Variants in SLC26A7 observed in about 807,000 individuals in gnomAD.
SLC26A7 encodes anion exchange transporter.
In SLC26A7, 59 loss-of-function variants were observed where a neutral mutation model predicts 82.5. The observed-to-expected ratio is 0.72, with a 90% confidence interval of 0.58 to 0.89. The LOEUF is 0.89. SLC26A7 is among the 40% of genes least tolerant of loss of function. The pLI, the probability that SLC26A7 is intolerant of heterozygous loss-of-function variation, is 0.00. For synonymous variants in SLC26A7, 271 were observed against 274.3 expected, an observed-to-expected ratio of 0.99 and a Z score of 0.12; for missense variants, 820 against 793.0, an observed-to-expected ratio of 1.03 and a Z score of -0.41.
chr8:91,389,358 C>A lies in SLC26A7; in HGVS notation c.1696C>A (p.Pro566Thr), dbSNP rs766666162. The A allele has an allele frequency of 1.9e-6, 3 of 1,613,886 alleles. No individual in the cohort carries two copies. The highest frequency in any genetic ancestry group is 3.3e-5 in the Admixed American group (2 of 60,016). The change falls in exon 16 of 19, where the codon CCT (proline) becomes ACT (threonine). Residue 566 changes from proline to threonine, a missense_variant. Physicochemically the swap from Pro to Thr is conservative, Grantham distance 38. Coordinates refer to ENST00000276609, the MANE Select transcript of SLC26A7 (RefSeq NM_052832.4). Reference protein sequence around the residue: ...NCNEEASQSCPNEKCYLILDC... With the variant: ...NCNEEASQSCTNEKCYLILDC... ...TACAGAAGAAGCTTCACAGTCCTGC[C>A]CTAATGAGAAGTGTTATTTAATCCT...
intron 9 of SLC26A7, among the ~76,000 whole-genome samples, chr8:91,349,884 TCTGA>T (rs1331751909): frequency 6.6e-6 from 1 of 152,216 alleles, no homozygotes; most frequent in African/African-American, 2.4e-5. Flanking sequence ...GACTGAGCTC[TCTGA>T]CTGGATCCTG....
intron 14 of SLC26A7, among the ~76,000 whole-genome samples, chr8:91,368,349 C>G (rs1814251977): frequency 6.6e-6 from 1 of 152,016 alleles, no homozygotes; most frequent in African/African-American, 2.4e-5. Flanking sequence ...GATCCACCAC[C>G]TTAAGGGTCG....
intron 15 of SLC26A7, among the ~76,000 whole-genome samples, chr8:91,372,251 G>T (rs1269478569): frequency 6.6e-6 from 1 of 151,792 alleles, no homozygotes; most frequent in African/African-American, 2.4e-5. Flanking sequence ...AGCCCCATTT[G>T]TCTACTTTTG....
intron 2 of SLC26A7, among the ~76,000 whole-genome samples, chr8:91,222,395 C>T (rs1444866593): frequency 6.6e-6 from 1 of 152,082 alleles, no homozygotes; most frequent in Non-Finnish European, 1.5e-5. Flanking sequence ...CCAGAACTTC[C>T]AATACTATGT....
intron 2 of SLC26A7, among the ~76,000 whole-genome samples, chr8:91,236,607 T>C (rs1810396572): frequency 1.3e-5 from 2 of 152,136 alleles, no homozygotes; most frequent in South Asian, 4.2e-4. Flanking sequence ...TGTTCTTAAT[T>C]GTTCATTATT....
chr8:91,341,221 A>G (rs367579457), intron 8 of SLC26A7, among the ~76,000 whole-genome samples: 28 of 151,448 alleles, frequency 1.8e-4, no homozygotes, highest in African/African-American at 6.3e-4. Flanking sequence ...CCCACCTATG[A>G]GTGAGAATAT....
intron 2 of SLC26A7, among the ~76,000 whole-genome samples, chr8:91,264,793 A>G (rs1811065113): frequency 6.6e-6 from 1 of 152,064 alleles, no homozygotes. Context: ...ATGTTTATGC[A>G]GTACAGTGTG....
intron 13 of SLC26A7, among the ~76,000 whole-genome samples, chr8:91,364,256 AC>A (rs1281181812): frequency 6.6e-6 from 1 of 152,090 alleles, no homozygotes; most frequent in Non-Finnish European, 1.5e-5. Context: ...TGTTTGGCTA[AC>A]CTTTTTCCGT....
At chr8:91,307,023 A>G (rs1434223788) in intron 4 of SLC26A7, among the ~76,000 whole-genome samples, 1 of 139,408 alleles carries the variant, frequency 7.2e-6, no homozygotes, top group Non-Finnish European at 1.5e-5. Flanking sequence ...GAAGACATTT[A>G]TGCAGCCAAA....
intron 15 of SLC26A7, among the ~76,000 whole-genome samples, chr8:91,388,203 T>C (rs1293925282): frequency 1.3e-5 from 2 of 152,128 alleles, no homozygotes; most frequent in Non-Finnish European, 2.9e-5. Flanking sequence ...CGATCTCGAC[T>C]CACTGCAAGC....
chr8:91,368,212 C>T (rs774171788), intron 14 of SLC26A7, among the ~76,000 whole-genome samples: 1 of 152,116 alleles, frequency 6.6e-6, no homozygotes, highest in Non-Finnish European at 1.5e-5. Flanking sequence ...TTTACTCTAC[C>T]TTGATCACCT....
intron 5 of SLC26A7, among the ~76,000 whole-genome samples, chr8:91,330,446 T>A (rs1343152442): frequency 6.6e-6 from 1 of 152,166 alleles, no homozygotes; most frequent in African/African-American, 2.4e-5. Context: ...ATCCATTGTC[T>A]ATATAATGTT....
chr8:91,231,390 T>C (rs368274366), intron 2 of SLC26A7, among the ~76,000 whole-genome samples: 60 of 152,256 alleles, frequency 3.9e-4, no homozygotes, highest in African/African-American at 1.4e-3. Flanking sequence ...TAGTCTCAGA[T>C]AGCAAAAATA....
chr8:91,298,230 C>A (rs543069436), intron 4 of SLC26A7, among the ~76,000 whole-genome samples: 1 of 152,126 alleles, frequency 6.6e-6, no homozygotes, highest in East Asian at 1.9e-4. Flanking sequence ...AAGTTTCCCC[C>A]ACTAAAGTGT....
chr8:91,326,791 G>C (rs572129468), intron 5 of SLC26A7, among the ~76,000 whole-genome samples: 1 of 152,116 alleles, frequency 6.6e-6, no homozygotes, highest in Non-Finnish European at 1.5e-5. Context: ...CAAAATCAAG[G>C]TCTCTTCTGG....
chr8:91,358,336 T>C (rs1388918549), intron 11 of SLC26A7, among the ~76,000 whole-genome samples: 10 of 150,662 alleles, frequency 6.6e-5, no homozygotes, highest in African/African-American at 2.0e-4. Context: ...TTTCTTTTTT[T>C]TTTTTTTTTT....
intron 5 of SLC26A7, among the ~76,000 whole-genome samples, chr8:91,333,382 G>T (rs1054384133): frequency 1.3e-5 from 2 of 152,134 alleles, no homozygotes; most frequent in Non-Finnish European, 1.5e-5. Context: ...AAGCAGGGCT[G>T]CACACTTTTA....
chr8:91,309,789 C>T lies in SLC26A7; in HGVS notation c.478-8427C>T, dbSNP rs1812427027. Among the ~76,000 whole-genome samples, 4 of 152,092 alleles carry T rather than the reference C, an allele frequency of 2.6e-5. No individual in the cohort carries two copies. The South Asian group carries it at 8.3e-4, about 32-fold the overall frequency. On this transcript the variant is annotated intron_variant, in intron 4 of 18. Coordinates refer to ENST00000276609, the MANE Select transcript of SLC26A7 (RefSeq NM_052832.4). ...TGGCATACTTCTGGAGTCTTGCGTT[C>T]CCTCTCCCCTGATTTTTCCCTTGAG...
At chr8:91,389,255 T>C in intron 15 of SLC26A7, 83 bp from the exon 16 acceptor site, 1 of 887,832 alleles carries the variant, frequency 1.1e-6, no homozygotes, top group Non-Finnish European at 1.9e-6. Flanking sequence ...ATGAGGCCAC[T>C]GTTACCCTCC....
Sources: gnomAD v4.1 joint callset for allele counts (sites outside exome capture counted in the v4.1 genomes callset) on GRCh38, gnomAD v4.1.1 for gene constraint, MANE v1.5 for transcripts, NCBI Gene and HGNC (gene_info 2026-07-23, HGNC 2026-07-21) for gene names.